The following CACNA1E variants were observed in gnomAD, a reference collection of about 807,000 sequenced individuals.
CACNA1E encodes voltage-dependent R-type calcium channel subunit alpha-1E.
Under a neutral mutation model 259.2 loss-of-function variants are expected in CACNA1E, and 40 were observed. That is an observed-to-expected ratio of 0.15 (90% CI 0.12 to 0.20). The LOEUF (loss-of-function observed/expected upper bound fraction) is 0.20. CACNA1E is among the 10% of genes least tolerant of loss of function. The pLI is 1.00. For synonymous variants in CACNA1E, 1,104 were observed against 1,138.5 expected, an observed-to-expected ratio of 0.97 and a Z score of 0.61; for missense variants, 1,874 against 3,040.1, an observed-to-expected ratio of 0.62 and a Z score of 9.02.
intron 6 of CACNA1E, among the ~76,000 whole-genome samples, chr1:181,637,271 G>C (rs72733136): frequency 0.14 from 21,767 of 152,070 alleles, 1,761 homozygotes; most frequent in South Asian, 0.26. Context: ...AGATATACCT[G>C]GGAAGGGGTT....
chr1:181,571,174 A>C (rs773594625), intron 3 of CACNA1E, among the ~76,000 whole-genome samples: 1 of 152,144 alleles, frequency 6.6e-6, no homozygotes, highest in South Asian at 2.1e-4. Flanking sequence ...TCCTTTTTCC[A>C]GGTAAGAAAA....
At chr1:181,757,828 C>T in intron 30 of CACNA1E, 119 bp from the exon 31 acceptor site, 1 of 1,107,774 alleles carries the variant, frequency 9.0e-7, no homozygotes, top group Non-Finnish European at 1.3e-6. Context: ...GCCATCTTTA[C>T]TTGCCCAGCC....
chr1:181,556,478 G>A (rs1572198503), intron 3 of CACNA1E, among the ~76,000 whole-genome samples: 1 of 152,276 alleles, frequency 6.6e-6, no homozygotes, highest in South Asian at 2.1e-4. Context: ...ACTCAGAGAG[G>A]GGCCCCTGTG....
rs1016689192 is a variant in CACNA1E, at chr1:181,598,701, G to A, written c.951+17925G>A. The stretch of plus-strand genomic sequence containing the variant: ...TTGTCTGACACTGTCCTTGTTCAGT[G>A]CCCCCAGGGCTCAAATGTGGGAATT... On this transcript the variant is annotated intron_variant, in intron 6 of 47. Coordinates refer to ENST00000367573, the MANE Select transcript of CACNA1E (RefSeq NM_001205293.3). Among the ~76,000 whole-genome samples the A allele has an allele frequency of 2.6e-5, 4 of 152,132 alleles. No homozygotes were observed. In the East Asian group the frequency reaches 7.7e-4, roughly 29 times the overall value.
upstream of CACNA1E, among the ~76,000 whole-genome samples, chr1:181,482,933 C>A (rs1183221443): frequency 6.6e-6 from 1 of 152,296 alleles, no homozygotes; most frequent in Middle Eastern, 3.2e-3. Flanking sequence ...ACTCAGGCTT[C>A]GCTGCTCTCT....
intron 37 of CACNA1E, among the ~76,000 whole-genome samples, chr1:181,774,366 A>G (rs1659783808): frequency 6.6e-6 from 1 of 152,260 alleles, no homozygotes; most frequent in Admixed American, 6.5e-5. Flanking sequence ...CTGTGGCTCC[A>G]ACCTCAGAGG....
At chr1:181,593,577 C>T (rs750370742) in intron 6 of CACNA1E, among the ~76,000 whole-genome samples, 8 of 152,172 alleles carry the variant, frequency 5.3e-5, no homozygotes, top group Non-Finnish European at 8.8e-5. Flanking sequence ...CTTGCTCTGT[C>T]GCCCAGGCTG....
At chr1:181,518,319 G>A (rs72731248) in intron 3 of CACNA1E, among the ~76,000 whole-genome samples, 12,142 of 151,878 alleles carry the variant, frequency 0.08, 614 homozygotes, top group South Asian at 0.25. Flanking sequence ...TCTCAGCATC[G>A]TTGCTGGCTG....
intron 6 of CACNA1E, among the ~76,000 whole-genome samples, chr1:181,603,221 T>C (rs997680379): frequency 6.6e-6 from 1 of 152,226 alleles, no homozygotes; most frequent in Non-Finnish European, 1.5e-5. Context: ...TGCCAGGCGC[T>C]GTTCTAAGAG....
chr1:181,388,507 C>A (rs899632693), intron 1 of CACNA1E, among the ~76,000 whole-genome samples: 4 of 152,162 alleles, frequency 2.6e-5, no homozygotes, highest in African/African-American at 7.2e-5. Context: ...CATGTTACTG[C>A]ACTGAATACT....
In CACNA1E at chr1:181,391,253, A is replaced by C. The variant is rs552556580; in HGVS notation, c.-14-21880A>C. ...CAGCAGTTTTTGCAGCAGCCAGAGT[A>C]ATCTTTCAAAAAATAATCTAAGATC... is the stretch of plus-strand genomic sequence containing the variant. On this transcript the variant is annotated intron_variant, in intron 1 of 11. Coordinates refer to the CACNA1E transcript ENST00000524607. Among the ~76,000 whole-genome samples the C allele has an allele frequency of 6.6e-5, 10 of 152,320 alleles. No individual in the cohort carries two copies. In the East Asian group the frequency reaches 1.9e-3, roughly 29 times the overall value.
chr1:181,596,992 TG>T (rs1432627043), intron 6 of CACNA1E, among the ~76,000 whole-genome samples: 1 of 151,810 alleles, frequency 6.6e-6, no homozygotes, highest in Non-Finnish European at 1.5e-5. Flanking sequence ...GCAGGGAGAA[TG>T]GGTGCAGATT....
At chr1:181,634,910 G>C (rs928908726) in intron 6 of CACNA1E, among the ~76,000 whole-genome samples, 2 of 152,094 alleles carry the variant, frequency 1.3e-5, no homozygotes, top group Non-Finnish European at 2.9e-5. Flanking sequence ...CTGCCTCTAC[G>C]ATGGGCTCTC....
intron 7 of CACNA1E, chr1:181,651,954 G>A (rs1425938813): frequency 6.6e-6 from 1 of 152,502 alleles, no homozygotes; most frequent in Admixed American, 6.5e-5. Context: ...CCTCTCCTTA[G>A]GAAACATGTT....
upstream of CACNA1E, among the ~76,000 whole-genome samples, chr1:181,478,959 G>A (rs1663048679): frequency 6.6e-6 from 1 of 152,210 alleles, no homozygotes; most frequent in South Asian, 2.1e-4. Context: ...ATTGCAGCTC[G>A]ATGATACACT....
intron 7 of CACNA1E, among the ~76,000 whole-genome samples, chr1:181,696,080 G>A (rs1458637440): frequency 6.6e-6 from 1 of 152,066 alleles, no homozygotes; most frequent in East Asian, 1.9e-4. Context: ...AATATAAAAA[G>A]CATAAACAAT....
At chr1:181,574,046 T>C (rs1198392858) in intron 3 of CACNA1E, among the ~76,000 whole-genome samples, 2 of 152,192 alleles carry the variant, frequency 1.3e-5, no homozygotes, top group Non-Finnish European at 2.9e-5. Flanking sequence ...AAACACTGCA[T>C]GTTCTCACTC....
At chr1:181,653,685 C>G (rs1325846909) in intron 7 of CACNA1E, among the ~76,000 whole-genome samples, 1 of 152,178 alleles carries the variant, frequency 6.6e-6, no homozygotes, top group Non-Finnish European at 1.5e-5. Context: ...CATATTGCCT[C>G]TTTTTCAATG....
chr1:181,747,450 AT>A (rs60393528), intron 25 of CACNA1E, among the ~76,000 whole-genome samples: 5,203 of 122,846 alleles, frequency 0.042, 201 homozygotes, highest in African/African-American at 0.13. Context: ...AAAATCTGTC[AT>A]TTTTTTTTTT....
Sources: gnomAD v4.1 joint callset for allele counts (sites outside exome capture counted in the v4.1 genomes callset) on GRCh38, gnomAD v4.1.1 for gene constraint, MANE v1.5 for transcripts, NCBI Gene and HGNC (gene_info 2026-07-23, HGNC 2026-07-21) for gene names.